COPZ2: variants seen among roughly 807,000 people sequenced by gnomAD.
COPZ2 encodes the protein coat protein complex I subunit zeta 2.
In COPZ2, 30 loss-of-function variants were observed where a neutral mutation model predicts 33.2. That is an observed-to-expected ratio of 0.90 (90% CI 0.68 to 1.23). COPZ2 has a LOEUF of 1.23. Among genes scored for constraint, COPZ2 ranks in the 50% most tolerant of loss-of-function variants. The pLI is 0.00. For missense variants in COPZ2, 263 were observed against 262.4 expected, an observed-to-expected ratio of 1.00 and a Z score of -0.02; for synonymous variants, 89 against 102.6, an observed-to-expected ratio of 0.87 and a Z score of 0.80.
rs2037009411 is a variant in COPZ2, at chr17:48,037,614, T to C, written c.111+53A>G. The C allele has an allele frequency of 3.8e-6, 4 of 1,047,408 alleles. No homozygotes were observed. The highest frequency in any genetic ancestry group is 7.7e-5 in the East Asian group (1 of 13,010). 64.9% of individuals were successfully genotyped at this position (1,047,408 alleles called of 1,614,324 possible). On this transcript the variant is annotated intron_variant, in intron 1 of 8. Coordinates refer to ENST00000621465, the MANE Select transcript of COPZ2 (RefSeq NM_016429.4). This position sits in a 1 kb window ranked among gnomAD's most constrained non-coding sequence, Gnocchi z 5.6. ...TTGGCTGCTCCCCCTAACCCTGCTCTGTCCCTGCCCAGCTCCCGCCGCCCG... is the reference window on the plus strand; with the variant it reads ...TTGGCTGCTCCCCCTAACCCTGCTCCGTCCCTGCCCAGCTCCCGCCGCCCG...
At chr17:48,032,791 A>C in intron 4 of COPZ2, 50 bp from the exon 5 acceptor site, 2 of 1,495,074 alleles carry the variant, frequency 1.3e-6, no homozygotes, top group Non-Finnish European at 1.8e-6. Flanking sequence ...GAGATTGAGA[A>C]GGTCAAAAGA....
chr17:48,030,833 T>C (rs1480932474), intron 6 of COPZ2, among the ~76,000 whole-genome samples: 1 of 152,230 alleles, frequency 6.6e-6, no homozygotes, highest in Non-Finnish European at 1.5e-5. Context: ...TTTGCATTTA[T>C]AGTTTTGTGT....
upstream of COPZ2, among the ~76,000 whole-genome samples, chr17:48,040,959 G>A (rs566916070): frequency 1.6e-3 from 238 of 151,436 alleles, no homozygotes; most frequent in African/African-American, 5.5e-3. Context: ...AGACCAGCCT[G>A]GCCAACATGG....
intron 2 of COPZ2, among the ~76,000 whole-genome samples, chr17:48,035,704 ATCAGCC>A (rs1265307065): frequency 2.0e-5 from 3 of 151,518 alleles, no homozygotes; most frequent in Non-Finnish European, 4.4e-5. Flanking sequence ...GATTACAGGC[ATCAGCC>A]ACTGCGCCTG....
In COPZ2 at chr17:48,033,001, C is replaced by T. The variant is rs879679824; in HGVS notation, c.360+210G>A. On this transcript the variant is annotated intron_variant, in intron 4 of 8. Transcript: ENST00000621465. Reference sequence around the variant, plus strand: ...GCCTCCCTTGAAGATGAAGTGATTACTTCATTCCTGGTTCCCAAGGAAACT... The same window carrying T: ...GCCTCCCTTGAAGATGAAGTGATTATTTCATTCCTGGTTCCCAAGGAAACT... 4.7e-5 allele frequency: 28 copies of T among 596,966 alleles called. 1 individual carries two copies. In the South Asian group the frequency reaches 5.1e-4, roughly 11 times the overall value. The allele number at this position is 596,966 out of a possible 1,614,324, so 37.0% of individuals were successfully genotyped here.
Position 48,037,038 on chromosome 17 carries a change from C to G in COPZ2, c.112-113G>C. On this transcript the variant is annotated intron_variant, in intron 1 of 8. Coordinates refer to ENST00000621465, the MANE Select transcript of COPZ2 (RefSeq NM_016429.4). The surrounding 1 kb of genome is among the most constrained non-coding windows in gnomAD (Gnocchi z 5.6). ...CTCAGGCCCCAGCAACCCCAGTCCTCAAGGTCCACAGCTGGTTCTGCCCAG... is the reference window on the plus strand; with the variant it reads ...CTCAGGCCCCAGCAACCCCAGTCCTGAAGGTCCACAGCTGGTTCTGCCCAG... 2.1e-6 allele frequency: 2 copies of G among 943,742 alleles called. No individual in the cohort carries two copies. Among genetic ancestry groups the G allele is most frequent in the Non-Finnish European group, 3.5e-6 (2 of 579,696 alleles). 58.5% of individuals were successfully genotyped at this position (943,742 alleles called of 1,614,324 possible).
upstream of COPZ2, among the ~76,000 whole-genome samples, chr17:48,038,906 C>T (rs2037032685): frequency 2.0e-5 from 3 of 152,310 alleles, no homozygotes; most frequent in South Asian, 6.2e-4. Context: ...ATAGGTCTCT[C>T]CTGTCACATT....
upstream of COPZ2, among the ~76,000 whole-genome samples, chr17:48,041,639 C>T (rs905806864): frequency 6.6e-6 from 1 of 152,138 alleles, no homozygotes; most frequent in African/African-American, 2.4e-5. Flanking sequence ...AACATAATGA[C>T]ACTATTTGAT....
intron 6 of COPZ2, among the ~76,000 whole-genome samples, chr17:48,030,313 CACACACACACACACACAA>C (rs2036876047): frequency 6.6e-6 from 1 of 151,710 alleles, no homozygotes; most frequent in Non-Finnish European, 1.5e-5. Flanking sequence ...CACACACACA[CACACACACACACACACAA>C]AGAAACAAAC....
intron 2 of COPZ2, 88 bp from the exon 3 acceptor site, chr17:48,034,032 G>A (rs2144307492): frequency 3.3e-6 from 3 of 896,304 alleles, no homozygotes; most frequent in East Asian, 2.7e-5. Flanking sequence ...GTAGGCGCTG[G>A]GCAAGCGGGA....
chr17:48,044,163 A>T, the COPZ2 span, among the ~76,000 whole-genome samples: 1 of 152,182 alleles, frequency 6.6e-6, no homozygotes, highest in African/African-American at 2.4e-5. Context: ...CCTGGCCAAC[A>T]TGGCAAAACC....
rs538250477 is a variant in COPZ2 at position 48,026,294 on chromosome 17, G to C, written c.*134C>G. ...AAACCTTTGCATCTCAGAAGCCCTGGCTGGAGACCTTAGGAGTCAGTTCTG... is the reference window on the plus strand; with the variant it reads ...AAACCTTTGCATCTCAGAAGCCCTGCCTGGAGACCTTAGGAGTCAGTTCTG... On this transcript the variant is annotated 3_prime_UTR_variant, in exon 9 of 9. Coordinates refer to ENST00000621465, the MANE Select transcript of COPZ2 (RefSeq NM_016429.4). 5.0e-5 allele frequency: 34 copies of C among 675,398 alleles called. 1 individual carries two copies. The African/African-American group carries it at 5.6e-4, about 11-fold the overall frequency. 41.8% of individuals were successfully genotyped at this position (675,398 alleles called of 1,614,324 possible).
At chr17:48,047,917 C>A in the COPZ2 span, 1 of 152,406 alleles carries the variant, frequency 6.6e-6, no homozygotes, top group Non-Finnish European at 1.5e-5. Flanking sequence ...ACTGTGGGAA[C>A]CCTCAAGGCG....
At chr17:48,033,075 C>A (rs766251605) in intron 4 of COPZ2, 136 bp downstream of exon 4, 6 of 642,428 alleles carry the variant, frequency 9.3e-6, no homozygotes, top group Non-Finnish European at 1.4e-5. Flanking sequence ...CTTCTGGCTG[C>A]CCTCCTCTAC....
intron 7 of COPZ2, 28 bp downstream of exon 7, chr17:48,029,097 A>G: frequency 6.4e-7 from 1 of 1,563,692 alleles, no homozygotes; most frequent in Non-Finnish European, 8.7e-7. Context: ...GGCAGCCTAA[A>G]AGAGGAGGTG....
chr17:48,047,418 TAGCTTAGCA>T, the COPZ2 span: 1 of 152,206 alleles, frequency 6.6e-6, no homozygotes, highest in Non-Finnish European at 1.5e-5. Context: ...TCGGAATTCG[TAGCTTAGCA>T]AGCTCCCCAA....
chr17:48,032,083 C>A, intron 6 of COPZ2, 73 bp downstream of exon 6: 1 of 1,247,942 alleles, frequency 8.0e-7, no homozygotes, highest in Middle Eastern at 1.8e-4. Context: ...TCTAGCCATG[C>A]TGGGTGCCAT....
chr17:48,032,710 A>C lies in COPZ2; in HGVS notation c.392T>G (p.Phe131Cys), dbSNP rs188088524. The change falls in exon 5 of 9, where the codon TTT (phenylalanine) becomes TGT (cysteine). Residue 131 changes from phenylalanine to cysteine, a missense_variant. Coordinates refer to ENST00000621465, the MANE Select transcript of COPZ2 (RefSeq NM_016429.4). ...LMLMSVLTCL[F>C]ESLNHMLRKN... ...CCTTAACATGTGGTTCAGAGACTCA[A>C]ACAGGCAGGTGAGAACAGACATGAG... 58 of 1,594,510 alleles carry C rather than the reference A, an allele frequency of 3.6e-5. No individual in the cohort carries two copies. In the East Asian group the frequency reaches 1.2e-3, roughly 34 times the overall value.
chr17:48,036,512 C>A (rs934986808), intron 2 of COPZ2, among the ~76,000 whole-genome samples: 1 of 152,132 alleles, frequency 6.6e-6, no homozygotes, highest in Admixed American at 6.5e-5. Flanking sequence ...AGAGACAAAC[C>A]CCAAAGAACA....
Sources: gnomAD v4.1 joint callset for allele counts (sites outside exome capture counted in the v4.1 genomes callset) on GRCh38, gnomAD v4.1.1 for gene constraint, Gnocchi (gnomAD v3.1) non-coding constraint, MANE v1.5 for transcripts, NCBI Gene and HGNC (gene_info 2026-07-23, HGNC 2026-07-21) for gene names.